The following IMMP2L variants were observed in gnomAD, a reference collection of about 807,000 sequenced individuals.
IMMP2L encodes mitochondrial inner membrane protease subunit 2.
IMMP2L carries 18 observed loss-of-function variants against 19.3 expected under a neutral mutation model. The ratio of observed to expected loss-of-function variants is 0.93; its 90% CI spans 0.64 to 1.38. The LOEUF (loss-of-function observed/expected upper bound fraction) is 1.38, where lower values mean the gene tolerates loss of function less well. IMMP2L is among the 40% of genes most tolerant of loss of function. The pLI is 0.00. For synonymous variants in IMMP2L, 76 were observed against 73.0 expected (o/e 1.04, Z -0.21); for missense variants, 233 against 218.2 (o/e 1.07, Z -0.43).
intron 3 of IMMP2L, among the ~76,000 whole-genome samples, chr7:111,079,388 A>C (rs1795696049): frequency 6.6e-6 from 1 of 152,156 alleles, no homozygotes; most frequent in Non-Finnish European, 1.5e-5. Flanking sequence ...AAGTGCTGGG[A>C]TTACAGGCGT....
intron 3 of IMMP2L, among the ~76,000 whole-genome samples, chr7:110,968,098 T>C (rs1244056329): frequency 6.6e-6 from 1 of 152,044 alleles, no homozygotes; most frequent in African/African-American, 2.4e-5. Context: ...AAATAGAGTC[T>C]TGCTGTTACT....
At chr7:110,906,998 G>A (rs992167785) in intron 4 of IMMP2L, among the ~76,000 whole-genome samples, 3 of 152,074 alleles carry the variant, frequency 2.0e-5, no homozygotes, top group African/African-American at 7.2e-5. Flanking sequence ...GTACTTTTGG[G>A]TGCCAGCAGG....
At chr7:111,485,708 T>C (rs1842600592) in intron 3 of IMMP2L, among the ~76,000 whole-genome samples, 1 of 148,340 alleles carries the variant, frequency 6.7e-6, no homozygotes, top group South Asian at 2.1e-4. Context: ...ATATAATAAA[T>C]ATCAATCACT....
In IMMP2L at chr7:110,870,249, TTC is replaced by T. The variant is rs1808393857; in HGVS notation, c.408+16342_408+16343del. On this transcript the variant is annotated intron_variant, in intron 5 of 5. Transcript: ENST00000405709. This position sits in a 1 kb window ranked among gnomAD's most constrained non-coding sequence, Gnocchi z 4.2. The stretch of plus-strand genomic sequence containing the variant: ...CACTAACCATTTTAAGTGCATTTCA[TTC>T]TCTTTTTTCCAAAGATGTCAGATGT... 6.6e-6 allele frequency among the ~76,000 whole-genome samples: 1 copy of T among 152,254 alleles called. No homozygotes were observed. The highest frequency in any genetic ancestry group is 2.4e-5 in the African/African-American group (1 of 41,574).
intron 5 of IMMP2L, among the ~76,000 whole-genome samples, chr7:110,800,628 C>T (rs1456587063): frequency 6.6e-6 from 1 of 151,990 alleles, no homozygotes; most frequent in East Asian, 1.9e-4. Flanking sequence ...ATGTAGATAA[C>T]ACTATTTTTT....
intron 5 of IMMP2L, among the ~76,000 whole-genome samples, chr7:110,852,100 G>A (rs1349673912): frequency 6.6e-6 from 1 of 151,976 alleles, no homozygotes; most frequent in Non-Finnish European, 1.5e-5. Flanking sequence ...CCATCATTTG[G>A]TGAGGAAACT....
intron 4 of IMMP2L, among the ~76,000 whole-genome samples, chr7:110,889,175 C>T (rs1001450725): frequency 6.6e-6 from 1 of 152,136 alleles, no homozygotes; most frequent in African/African-American, 2.4e-5. Context: ...TAATGGAAGA[C>T]AATTTTTTCA....
chr7:110,890,411 C>T (rs963038214), intron 4 of IMMP2L, among the ~76,000 whole-genome samples: 2 of 152,128 alleles, frequency 1.3e-5, no homozygotes, highest in African/African-American at 2.4e-5. Context: ...GTAAAATTCA[C>T]GCTATATCCT....
At chr7:111,556,336 T>C (rs924235093) in intron 1 of IMMP2L, among the ~76,000 whole-genome samples, 1 of 152,062 alleles carries the variant, frequency 6.6e-6, no homozygotes, top group African/African-American at 2.4e-5. Context: ...TGGATAACTA[T>C]GTAAGATGAT....
intron 4 of IMMP2L, among the ~76,000 whole-genome samples, chr7:110,928,351 GCACACACA>G (rs58639346): frequency 0.034 from 4,016 of 117,060 alleles, 94 homozygotes; most frequent in East Asian, 0.1. Context: ...ATATGTACCT[GCACACACA>G]CACACACACA....
intron 5 of IMMP2L, among the ~76,000 whole-genome samples, chr7:110,853,274 T>C (rs1483191527): frequency 1.3e-5 from 2 of 152,042 alleles, no homozygotes; most frequent in Non-Finnish European, 1.5e-5. Context: ...TATACACATA[T>C]GTATTCATTG....
At position 111,099,018 on chromosome 7, in the gene IMMP2L, A is replaced by G. The variant is rs74998359; in HGVS notation, c.240-135453T>C. 7.2e-3 allele frequency among the ~76,000 whole-genome samples: 1,088 copies of G among 151,800 alleles called. 5 individuals carry two copies. Among genetic ancestry groups the G allele is most frequent in the Middle Eastern group, 0.027 (8 of 294 alleles). On this transcript the variant is annotated intron_variant, in intron 3 of 5. Coordinates refer to ENST00000405709, the MANE Select transcript of IMMP2L (RefSeq NM_032549.4). ...CTGAGAAAGGAGTGATGCTTTAATTATTTATATCTGAGTTTTGCTATCCAC... is the reference window on the plus strand; with the variant it reads ...CTGAGAAAGGAGTGATGCTTTAATTGTTTATATCTGAGTTTTGCTATCCAC...
chr7:110,878,329 G>A (rs2396288), intron 5 of IMMP2L, among the ~76,000 whole-genome samples: 50,504 of 151,928 alleles, frequency 0.33, 10,219 homozygotes, highest in East Asian at 0.64. Flanking sequence ...TCAAACCTAT[G>A]AATAGATTTC....
chr7:111,545,260 T>C (rs1433345435), intron 1 of IMMP2L, among the ~76,000 whole-genome samples: 1 of 152,162 alleles, frequency 6.6e-6, no homozygotes, highest in East Asian at 1.9e-4. Flanking sequence ...AGGCCTTTGA[T>C]ATGCATTTCC....
intron 3 of IMMP2L, among the ~76,000 whole-genome samples, chr7:111,421,103 C>A (rs1835474214): frequency 6.6e-6 from 1 of 151,704 alleles, no homozygotes; most frequent in African/African-American, 2.4e-5. Flanking sequence ...GCCATTCTAA[C>A]TGGCATGAGA....
chr7:111,120,791 C>T (rs1800503059), intron 3 of IMMP2L, among the ~76,000 whole-genome samples: 1 of 151,982 alleles, frequency 6.6e-6, no homozygotes, highest in Admixed American at 6.6e-5. Flanking sequence ...CAGCTAATAC[C>T]ACTACATCTA....
chr7:111,485,610 A>AC (rs1842580382), intron 3 of IMMP2L, among the ~76,000 whole-genome samples: 3 of 147,976 alleles, frequency 2.0e-5, no homozygotes, highest in African/African-American at 7.6e-5. Context: ...AAAAAAAAAA[A>AC]AAAAAAAAAA....
At chr7:110,817,970 G>T (rs1802683028) in intron 5 of IMMP2L, among the ~76,000 whole-genome samples, 1 of 151,942 alleles carries the variant, frequency 6.6e-6, no homozygotes, top group South Asian at 2.1e-4. Flanking sequence ...ATTCAAGATG[G>T]GTTAAAGACT....
chr7:111,250,835 A>G (rs938276090), intron 3 of IMMP2L, among the ~76,000 whole-genome samples: 12 of 152,212 alleles, frequency 7.9e-5, no homozygotes, highest in Non-Finnish European at 1.3e-4. Context: ...CATTCAGGAC[A>G]TAGGCAAAGG....
Sources: gnomAD v4.1 joint callset for allele counts (sites outside exome capture counted in the v4.1 genomes callset) on GRCh38, gnomAD v4.1.1 for gene constraint, Gnocchi (gnomAD v3.1) non-coding constraint, MANE v1.5 for transcripts, NCBI Gene and HGNC (gene_info 2026-07-23, HGNC 2026-07-21) for gene names.